Variants in EDRF1 observed in about 807,000 individuals in gnomAD.
The protein encoded by EDRF1 is erythroid differentiation regulatory factor 1, also known as erythroid differentiation-related factor 1.
In EDRF1, 69 loss-of-function variants were observed where a neutral mutation model predicts 148.7. The observed-to-expected ratio is 0.46, with a 90% confidence interval of 0.38 to 0.57. EDRF1 has a LOEUF of 0.57. EDRF1 is among the 20% of genes least tolerant of loss of function. EDRF1 has a pLI of 0.00. For missense variants in EDRF1, 1,118 were observed against 1,478.7 expected, an observed-to-expected ratio of 0.76 and a Z score of 4.00; for synonymous variants, 515 against 532.8, an observed-to-expected ratio of 0.97 and a Z score of 0.46.
intron 18 of EDRF1, 76 bp from the exon 19 acceptor site, chr10:125,745,626 CCTCTT>C (rs1849312353): frequency 1.4e-6 from 2 of 1,445,738 alleles, no homozygotes; most frequent in East Asian, 4.7e-5. Flanking sequence ...CTGCCATCCT[CCTCTT>C]ATCTCATCAA....
intron 19 of EDRF1, 33 bp from the exon 20 acceptor site, chr10:125,747,503 A>G (rs1286883270): frequency 6.2e-7 from 1 of 1,613,102 alleles, no homozygotes; most frequent in Non-Finnish European, 8.5e-7. Context: ...GTTTAAGCTG[A>G]GTCAGAAATG....
Position 125,741,201 on chromosome 10 carries a change from G to A in EDRF1, c.2371G>A (p.Gly791Arg), listed in dbSNP as rs1219878706. The A allele has an allele frequency of 6.2e-7, 1 of 1,614,116 alleles. No homozygotes were observed. The highest frequency in any genetic ancestry group is 8.5e-7 in the Non-Finnish European group (1 of 1,179,978). The change falls in exon 17 of 25, where the codon GGA becomes AGA. Residue 791 changes from glycine to arginine, a missense_variant and splice_region_variant. By Grantham distance (125) the Gly-to-Arg change is moderately radical. Transcript: ENST00000356792. ...CCTTCACAGAGAGTCCAGTTGCCAA[G>A]GTGTGCCACAGGCTTGGACCACGTG... Reference protein sequence around the residue: ...HSLHRESSCQGFAWATDLSTD... With the variant: ...HSLHRESSCQRFAWATDLSTD...
intron 21 of EDRF1, chr10:125,749,113 G>A (rs1849518514): frequency 2.4e-6 from 1 of 408,780 alleles, no homozygotes; most frequent in African/African-American, 2.0e-5. Context: ...AAGCAGTAGT[G>A]GCGGGTGCCT....
intron 5 of EDRF1, 107 bp from the exon 6 acceptor site, chr10:125,725,575 T>C: frequency 6.4e-7 from 1 of 1,567,290 alleles, no homozygotes; most frequent in Non-Finnish European, 8.7e-7. Flanking sequence ...ATTTCTTTTT[T>C]ACAAGATGTA....
At chr10:125,721,495 GC>G in intron 2 of EDRF1, 83 bp downstream of exon 2, 1 of 1,267,614 alleles carries the variant, frequency 7.9e-7, no homozygotes, top group South Asian at 1.3e-5. Flanking sequence ...AGTTTGTAAT[GC>G]CTATTAACTT....
intron 24 of EDRF1, among the ~76,000 whole-genome samples, chr10:125,760,667 G>A (rs1035623616): frequency 6.6e-6 from 1 of 152,266 alleles, no homozygotes; most frequent in African/African-American, 2.4e-5. Flanking sequence ...CTCTGCCACA[G>A]GCTTAGTTGT....
intron 23 of EDRF1, 57 bp from the exon 24 acceptor site, chr10:125,753,637 G>T (rs1386972723): frequency 1.3e-6 from 2 of 1,592,546 alleles, no homozygotes; most frequent in Admixed American, 3.3e-5. Flanking sequence ...CACTTGGTAC[G>T]ATATGAAACT....
rs753043354 is a variant in EDRF1 at position 125,729,037 on chromosome 10, G to T, written c.827G>T (p.Gly276Val). 6.3e-7 allele frequency: 1 copy of T among 1,583,400 alleles called. No individual in the cohort carries two copies. The highest frequency in any genetic ancestry group is 1.1e-5 in the South Asian group (1 of 88,128). Residue 276 changes from glycine to valine, a missense_variant, in exon 7 of 25, where the codon GGG (glycine) becomes GTG (valine). Physicochemically the swap from Gly to Val is moderately radical, Grantham distance 109. Coordinates refer to ENST00000356792, the MANE Select transcript of EDRF1 (RefSeq NM_001202438.2). ...SEPLEPSYIV[G>V]HVASAPKEQN... Reference sequence around the variant, plus strand: ...CCTCTTGAACCCTCATACATAGTGGGGCATGTGGCCTCAGCCCCCAAAGAA... The same window carrying T: ...CCTCTTGAACCCTCATACATAGTGGTGCATGTGGCCTCAGCCCCCAAAGAA...
At position 125,763,460 on chromosome 10, in the gene EDRF1, T is replaced by C; in HGVS notation, c.3705T>C (p.Asn1235=). ...CCGCCGGCAGTGCAGCGAGCAGCAA[T>C]GCCGTTCAGTGACTGCACAGAGCCG... The part of the protein sequence containing the change: ...QLAAGSAASS[N]AVQ Residue 1235 remains asparagine (N), a synonymous_variant, in exon 25 of 25, where the codon AAT becomes AAC. Coordinates refer to ENST00000356792, the MANE Select transcript of EDRF1 (RefSeq NM_001202438.2). This position sits in a 1 kb window ranked among gnomAD's most constrained non-coding sequence, Gnocchi z 4.3. The C allele has an allele frequency of 6.2e-7, 1 of 1,607,304 alleles. No homozygotes were observed.
At chr10:125,733,268 A>T in intron 9 of EDRF1, 136 bp from the exon 10 acceptor site, 1 of 662,022 alleles carries the variant, frequency 1.5e-6, no homozygotes, top group Non-Finnish European at 2.6e-6. Context: ...AAGATTAAAA[A>T]CCACTGGTTT....
chr10:125,756,823 GT>G, intron 24 of EDRF1: 9 of 435,676 alleles, frequency 2.1e-5, no homozygotes, highest in East Asian at 1.5e-4. Flanking sequence ...TTTATGTTTA[GT>G]TTTTTTGAGA....
At chr10:125,737,179 G>A (rs1848783399) in intron 13 of EDRF1, among the ~76,000 whole-genome samples, 1 of 152,140 alleles carries the variant, frequency 6.6e-6, no homozygotes. Context: ...TGTAACACTA[G>A]GCCATGGACT....
At position 125,745,793 on chromosome 10, in the gene EDRF1, A is replaced by G; in HGVS notation, c.2677A>G (p.Ile893Val). 6.2e-7 allele frequency: 1 copy of G among 1,614,264 alleles called. No homozygotes were observed. Among genetic ancestry groups the G allele is most frequent in the Non-Finnish European group, 8.5e-7 (1 of 1,180,046 alleles). ...AAAGGGAATTCACAACTTTGAATCA[A>G]TTGAGGATGCCACCAATGCCGCCCT... ...FEKGIHNFESIEDATNAALLL... is the reference protein window; with the variant it reads ...FEKGIHNFESVEDATNAALLL... The change falls in exon 19 of 25, where the codon ATT becomes GTT. Residue 893 changes from isoleucine (I) to valine (V), a missense_variant. Transcript: ENST00000356792.
intron 13 of EDRF1, among the ~76,000 whole-genome samples, chr10:125,737,356 G>A (rs1041739538): frequency 1.3e-5 from 2 of 152,100 alleles, no homozygotes. Context: ...TGACTTTGTG[G>A]TATGGACAGT....
chr10:125,726,795 A>G (rs552043951), intron 6 of EDRF1, among the ~76,000 whole-genome samples: 28 of 152,386 alleles, frequency 1.8e-4, no homozygotes, highest in African/African-American at 6.7e-4. Flanking sequence ...TGCAAGTCAC[A>G]TAGTGGTAAC....
chr10:125,749,370 G>C, intron 21 of EDRF1, 42 bp from the exon 22 acceptor site: 1 of 1,613,724 alleles, frequency 6.2e-7, no homozygotes, highest in African/African-American at 1.3e-5. Flanking sequence ...GCCTGAAGTA[G>C]TTACCGTGAA....
rs1439317250 is a variant in EDRF1 at position 125,733,537 on chromosome 10, A to T, written c.1262A>T (p.Tyr421Phe). 1 of 1,600,844 alleles carries T rather than the reference A, an allele frequency of 6.2e-7. No individual in the cohort carries two copies. The highest frequency in any genetic ancestry group is 1.1e-5 in the South Asian group (1 of 90,772). ...KSNCTKEGHT[Y>F]WLFKASGSDI... ...AATTGTACCAAAGAAGGACATACCTATTGGCTCTTTAAAGGTAAGCTATTA... is the reference window on the plus strand; with the variant it reads ...AATTGTACCAAAGAAGGACATACCTTTTGGCTCTTTAAAGGTAAGCTATTA... Residue 421 changes from tyrosine to phenylalanine, a missense_variant, in exon 10 of 25, where the codon TAT (tyrosine) becomes TTT (phenylalanine). Coordinates refer to ENST00000356792, the MANE Select transcript of EDRF1 (RefSeq NM_001202438.2).
chr10:125,724,306 T>C (rs751572680), intron 4 of EDRF1, among the ~76,000 whole-genome samples: 3 of 152,202 alleles, frequency 2.0e-5, no homozygotes, highest in Admixed American at 1.3e-4. Flanking sequence ...GTGAAAAATA[T>C]TAGAAGCTGT....
chr10:125,757,759 C>G (rs1459163612), intron 24 of EDRF1, among the ~76,000 whole-genome samples: 1 of 152,160 alleles, frequency 6.6e-6, no homozygotes, highest in Non-Finnish European at 1.5e-5. Context: ...ACTCCATTGT[C>G]TCTGGCCTGT....
Sources: gnomAD v4.1 joint callset for allele counts (sites outside exome capture counted in the v4.1 genomes callset) on GRCh38, gnomAD v4.1.1 for gene constraint, Gnocchi (gnomAD v3.1) non-coding constraint, MANE v1.5 for transcripts, NCBI Gene and HGNC (gene_info 2026-07-23, HGNC 2026-07-21) for gene names.